Variants in USH2A observed in about 807,000 individuals in gnomAD.
USH2A encodes the protein Usher syndrome 2A (autosomal recessive, mild).
A neutral mutation model predicts 538.9 loss-of-function variants in USH2A; 443 were observed. The observed-to-expected ratio is 0.82, with a 90% CI of 0.76 to 0.89. The LOEUF is 0.89. Among genes scored for constraint, USH2A ranks in the 40% least tolerant of loss-of-function variants. The pLI, the probability that USH2A is intolerant of heterozygous loss-of-function variation, is 0.00. For synonymous variants in USH2A, 2,413 were observed against 2,273.5 expected, an observed-to-expected ratio of 1.06 and a Z score of -1.75; for missense variants, 6,633 against 6,324.8, an observed-to-expected ratio of 1.05 and a Z score of -1.65.
In USH2A at chr1:216,232,079, G is replaced by C; in HGVS notation, c.2867C>G (p.Thr956Ser). The change falls in exon 14 of 72, where the codon ACT (threonine) becomes AGT (serine). Residue 956 changes from threonine to serine, a missense_variant. By Grantham distance (58) the Thr-to-Ser change is moderately conservative. Coordinates refer to ENST00000307340, the MANE Select transcript of USH2A (RefSeq NM_206933.4). ...ATTACAGATGTGATTAACTGCACCAGTTGTATGGCATGAGCATGGCAGGCA... is the reference window on the plus strand; with the variant it reads ...ATTACAGATGTGATTAACTGCACCACTTGTATGGCATGAGCATGGCAGGCA... Reference protein sequence around the residue: ...TGCLPCSCHTTGAVNHICNSL... With the variant: ...TGCLPCSCHTSGAVNHICNSL... 6.2e-7 allele frequency: 1 copy of C among 1,614,024 alleles called. No individual in the cohort carries two copies. Among genetic ancestry groups the C allele is most frequent in the Non-Finnish European group, 8.5e-7 (1 of 1,179,924 alleles).
intron 32 of USH2A, among the ~76,000 whole-genome samples, chr1:216,025,858 G>C (rs1668951863): frequency 6.6e-6 from 1 of 151,898 alleles, no homozygotes; most frequent in South Asian, 2.1e-4. Flanking sequence ...TTGCATAATA[G>C]AGCTACACAA....
intron 14 of USH2A, among the ~76,000 whole-genome samples, chr1:216,217,808 A>G (rs2035373387): frequency 6.6e-6 from 1 of 152,124 alleles, no homozygotes; most frequent in African/African-American, 2.4e-5. Context: ...AAAAAAAGAT[A>G]TTATATTGCT....
intron 14 of USH2A, among the ~76,000 whole-genome samples, chr1:216,219,724 C>T (rs575418361): frequency 1.3e-5 from 2 of 152,246 alleles, no homozygotes; most frequent in African/African-American, 4.8e-5. Flanking sequence ...GCCAGAGCTT[C>T]TCCCGCAATC....
At chr1:216,415,508 CTTTTT>C (rs71161423) in intron 3 of USH2A, among the ~76,000 whole-genome samples, 48,449 of 94,390 alleles carry the variant, frequency 0.51, 12,135 homozygotes, top group East Asian at 0.74. Context: ...CTTCCTGTCA[CTTTTT>C]TTTTTTTTTT....
chr1:215,676,644 C>T (rs1285868980), intron 62 of USH2A, among the ~76,000 whole-genome samples: 1 of 152,096 alleles, frequency 6.6e-6, no homozygotes, highest in Non-Finnish European at 1.5e-5. Context: ...TTGGAAACCT[C>T]TTTATGTTGG....
intron 60 of USH2A, among the ~76,000 whole-genome samples, chr1:215,740,953 C>T (rs1382967413): frequency 6.6e-6 from 1 of 152,148 alleles, no homozygotes; most frequent in Non-Finnish European, 1.5e-5. Flanking sequence ...GGAGGTGAAG[C>T]TCCGGTGGTA....
At chr1:215,877,133 A>C (rs1414193859) in intron 43 of USH2A, among the ~76,000 whole-genome samples, 1 of 152,146 alleles carries the variant, frequency 6.6e-6, no homozygotes, top group Admixed American at 6.6e-5. Flanking sequence ...CAGAGAAGTT[A>C]AGTGATTTTT....
chr1:216,281,575 A>G (rs1465751192), intron 11 of USH2A, among the ~76,000 whole-genome samples: 2 of 152,110 alleles, frequency 1.3e-5, no homozygotes, highest in Non-Finnish European at 2.9e-5. Context: ...TTTTAATGTA[A>G]AATAATATTC....
At position 216,200,088 on chromosome 1, in the gene USH2A, G is replaced by A; in HGVS notation, c.3350C>T (p.Pro1117Leu). ...AATGTAATAGGAATATTTGGTATAT[G>A]GTAACAGGTCTGTGTCTAAGAAGTA... ...IQYFLDTDLL[P>L]YTKYSYYIET... The change falls in exon 17 of 72, where the codon CCA becomes CTA. Residue 1117 changes from proline to leucine, a missense_variant. By Grantham distance (98) the Pro-to-Leu change is moderately conservative (BLOSUM62 -3). Transcript: ENST00000307340. The A allele has an allele frequency of 1.2e-6, 2 of 1,613,280 alleles. No individual in the cohort carries two copies. The highest frequency in any genetic ancestry group is 3.3e-4 in the Middle Eastern group (2 of 6,060).
chr1:216,281,122 A>C (rs1469412996), intron 11 of USH2A, among the ~76,000 whole-genome samples: 2 of 152,214 alleles, frequency 1.3e-5, no homozygotes, highest in Non-Finnish European at 2.9e-5. Flanking sequence ...ACGATACTCC[A>C]TAAACTTTGT....
At chr1:215,999,182 T>A (rs1396817289) in intron 33 of USH2A, 124 bp from the exon 34 acceptor site, 11 of 862,620 alleles carry the variant, frequency 1.3e-5, no homozygotes, top group Non-Finnish European at 2.0e-5. Flanking sequence ...ATCTCAAAAT[T>A]GATTCATTTA....
intron 4 of USH2A, among the ~76,000 whole-genome samples, chr1:216,343,830 A>G (rs2038124279): frequency 6.6e-6 from 1 of 152,128 alleles, no homozygotes; most frequent in East Asian, 1.9e-4. Context: ...TCTAGAATGA[A>G]GAACCAAAGC....
At chr1:216,129,662 C>T (rs1460404280) in intron 21 of USH2A, among the ~76,000 whole-genome samples, 1 of 151,872 alleles carries the variant, frequency 6.6e-6, no homozygotes, top group East Asian at 1.9e-4. Flanking sequence ...AATGCAATCC[C>T]TATCGAAATA....
At chr1:215,905,773 C>T (rs1171468536) in intron 38 of USH2A, among the ~76,000 whole-genome samples, 2 of 152,150 alleles carry the variant, frequency 1.3e-5, no homozygotes, top group Admixed American at 1.3e-4. Flanking sequence ...GTGCTTCTTG[C>T]TAATTCACTA....
At chr1:216,228,424 A>T (rs915479933) in intron 14 of USH2A, among the ~76,000 whole-genome samples, 3 of 152,184 alleles carry the variant, frequency 2.0e-5, no homozygotes, top group Admixed American at 6.5e-5. Context: ...CCCAAATCTC[A>T]TCTTGAATTG....
At chr1:215,800,789 G>A (rs1662303998) in intron 49 of USH2A, among the ~76,000 whole-genome samples, 1 of 151,948 alleles carries the variant, frequency 6.6e-6, no homozygotes, top group Admixed American at 6.6e-5. Flanking sequence ...GATGAAATGA[G>A]CAAATTACTA....
At chr1:215,955,788 T>C (rs890252660) in intron 37 of USH2A, among the ~76,000 whole-genome samples, 6 of 152,150 alleles carry the variant, frequency 3.9e-5, no homozygotes, top group African/African-American at 1.2e-4. Flanking sequence ...GGAAATATGT[T>C]TGATGTGGGC....
At chr1:215,716,127 C>G (rs910731437) in intron 61 of USH2A, among the ~76,000 whole-genome samples, 1 of 141,568 alleles carries the variant, frequency 7.1e-6, no homozygotes, top group African/African-American at 2.6e-5. Flanking sequence ...CTAATCAATA[C>G]AATGTATTAA....
chr1:215,769,331 T>C (rs1661217090), intron 55 of USH2A, among the ~76,000 whole-genome samples: 1 of 152,118 alleles, frequency 6.6e-6, no homozygotes, highest in South Asian at 2.1e-4. Context: ...AATTTTAGGA[T>C]GGGCATTAGG....
Sources: gnomAD v4.1 joint callset for allele counts (sites outside exome capture counted in the v4.1 genomes callset) on GRCh38, gnomAD v4.1.1 for gene constraint, MANE v1.5 for transcripts, NCBI Gene and HGNC (gene_info 2026-07-23, HGNC 2026-07-21) for gene names.